The following CORO1C variants were observed in gnomAD, a reference collection of about 807,000 sequenced individuals.
CORO1C encodes coronin 1C, also known as coronin-1C.
CORO1C carries 14 observed loss-of-function variants against 51.2 expected under a neutral mutation model. The ratio of observed to expected loss-of-function variants is 0.27; its 90% CI spans 0.18 to 0.43. The LOEUF is 0.43. CORO1C is among the 20% of genes least tolerant of loss of function. The probability of loss-of-function intolerance (pLI) is 1.00; values close to 1 mark genes in which losing one functional copy is unlikely to be tolerated. For synonymous variants in CORO1C, 181 were observed against 210.5 expected (o/e 0.86, Z 1.21); for missense variants, 417 against 607.8 (o/e 0.69, Z 3.30).
chr12:108,664,073 G>C (rs901341045), intron 3 of CORO1C, among the ~76,000 whole-genome samples: 4 of 152,286 alleles, frequency 2.6e-5, no homozygotes, highest in African/African-American at 9.6e-5. Context: ...GTAGCATCAA[G>C]AACCCTACCG....
chr12:108,662,474 G>C (rs981419940), intron 3 of CORO1C, among the ~76,000 whole-genome samples: 1 of 151,926 alleles, frequency 6.6e-6, no homozygotes, highest in African/African-American at 2.4e-5. Flanking sequence ...CCCAAGTATC[G>C]GCTGTTTTTA....
At chr12:108,659,036 AAG>A (rs984934660) in intron 4 of CORO1C, 117 bp from the exon 5 acceptor site, 531 of 936,306 alleles carry the variant, frequency 5.7e-4, no homozygotes, top group Non-Finnish European at 6.8e-4. Context: ...GAGAGAGAGA[AAG>A]AGAGAGAGAG....
chr12:108,706,091 G>A (rs2035020623), intron 1 of CORO1C, among the ~76,000 whole-genome samples: 1 of 150,722 alleles, frequency 6.6e-6, no homozygotes, highest in South Asian at 2.1e-4. Flanking sequence ...GGAGGCAGAG[G>A]CAGGAGAATT....
rs1384222388 is a variant in CORO1C, at chr12:108,646,127, C to T, written c.*1276G>A. ...TTCTGCTTCACTCTCTATCATTCTC[C>T]TCAGTCTCAATACTCATTCAATCGC... On this transcript the variant is annotated 3_prime_UTR_variant, in exon 11 of 11. Coordinates refer to ENST00000261401, the MANE Select transcript of CORO1C (RefSeq NM_014325.4). 1 of 152,278 alleles carries T rather than the reference C, an allele frequency of 6.6e-6. No individual in the cohort carries two copies. The highest frequency in any genetic ancestry group is 1.9e-4 in the East Asian group (1 of 5,200). The allele number at this position is 152,278 out of a possible 1,614,324, so 9.4% of individuals were successfully genotyped here. A position where few individuals can be genotyped will look rare whatever the true frequency, so the allele number is the denominator to read the frequency against.
chr12:108,666,959 A>C (rs1418674079), intron 3 of CORO1C, among the ~76,000 whole-genome samples: 3 of 152,114 alleles, frequency 2.0e-5, no homozygotes, highest in African/African-American at 7.2e-5. Flanking sequence ...CCCTTAACAA[A>C]ACTGCCACTC....
intron 1 of CORO1C, among the ~76,000 whole-genome samples, chr12:108,717,423 A>T (rs913261755): frequency 1.3e-5 from 2 of 152,164 alleles, no homozygotes; most frequent in African/African-American, 4.8e-5. Context: ...ACATAATTAG[A>T]TTTGCATTTT....
intron 2 of CORO1C, among the ~76,000 whole-genome samples, chr12:108,699,595 CA>C (rs2034800864): frequency 6.6e-6 from 1 of 152,164 alleles, no homozygotes; most frequent in Non-Finnish European, 1.5e-5. Flanking sequence ...AGTAAAATGT[CA>C]AGTTTCCAAA....
chr12:108,650,965 TTTTG>T (rs1423923567), intron 8 of CORO1C, among the ~76,000 whole-genome samples: 2 of 152,240 alleles, frequency 1.3e-5, no homozygotes, highest in Non-Finnish European at 1.5e-5. Context: ...GTTTGTTTGT[TTTTG>T]TTTGTTTGAG....
At chr12:108,663,417 T>C (rs1160368220) in intron 3 of CORO1C, among the ~76,000 whole-genome samples, 1 of 152,130 alleles carries the variant, frequency 6.6e-6, no homozygotes, top group Non-Finnish European at 1.5e-5. Flanking sequence ...AGCCCAAAGG[T>C]GGAAACAACC....
intron 2 of CORO1C, among the ~76,000 whole-genome samples, chr12:108,697,006 A>G (rs2034709506): frequency 6.6e-6 from 1 of 152,194 alleles, no homozygotes; most frequent in South Asian, 2.1e-4. Flanking sequence ...TTGTATATGC[A>G]TGTGCTTTGA....
intron 3 of CORO1C, 58 bp downstream of exon 3, chr12:108,678,214 T>C: frequency 6.5e-7 from 1 of 1,545,922 alleles, no homozygotes; most frequent in South Asian, 1.2e-5. Flanking sequence ...ACACATGCTT[T>C]TGAAAGCAGT....
intron 8 of CORO1C, 144 bp from the exon 9 acceptor site, chr12:108,649,164 G>A (rs1308183672): frequency 2.3e-6 from 2 of 852,826 alleles, no homozygotes; most frequent in East Asian, 2.6e-5. Context: ...CCGGGAATAG[G>A]CAGAATTTAG....
rs575089211 is a variant in CORO1C at position 108,661,846 on chromosome 12, T to TGC, written c.448+181_448+182dup. On this transcript the variant is annotated intron_variant, in intron 4 of 10. Transcript: ENST00000261401. ...GAAATGGCCTTGAAACACACACACG[T>TGC]GCACACACACACAAGTATGTATGTG... 4.5e-4 allele frequency among the ~76,000 whole-genome samples: 69 copies of TGC among 152,210 alleles called. 1 individual carries two copies. The South Asian group carries it at 0.013, about 29-fold the overall frequency.
intron 1 of CORO1C, among the ~76,000 whole-genome samples, chr12:108,717,107 G>T (rs563514924): frequency 6.6e-6 from 1 of 152,372 alleles, no homozygotes; most frequent in East Asian, 1.9e-4. Context: ...TCGGGGAACA[G>T]AAGCAGTCAG....
intron 3 of CORO1C, among the ~76,000 whole-genome samples, chr12:108,670,674 A>C (rs143683564): frequency 7.0e-4 from 106 of 152,268 alleles, no homozygotes; most frequent in African/African-American, 2.5e-3. Flanking sequence ...AATCCACATA[A>C]AAATAAGCAA....
intron 2 of CORO1C, among the ~76,000 whole-genome samples, chr12:108,687,071 GC>G (rs1347448019): frequency 6.6e-6 from 1 of 152,160 alleles, no homozygotes; most frequent in South Asian, 2.1e-4. Context: ...TCTTGAAGTA[GC>G]TACAACACAG....
chr12:108,712,570 CAAAAAAAAAAA>C (rs138128974), intron 1 of CORO1C, among the ~76,000 whole-genome samples: 2 of 66,536 alleles, frequency 3.0e-5, no homozygotes, highest in Non-Finnish European at 5.5e-5. Flanking sequence ...GAAACTGTCT[CAAAAAAAAAAA>C]AAAAAAAAAA....
chr12:108,699,547 T>C (rs2034799416), intron 2 of CORO1C, among the ~76,000 whole-genome samples: 1 of 152,198 alleles, frequency 6.6e-6, no homozygotes, highest in Admixed American at 6.5e-5. Flanking sequence ...GCTAACAAGC[T>C]ATGGCTGTCT....
chr12:108,730,172 A>G (rs1592962267), intron 1 of CORO1C: 2 of 152,196 alleles, frequency 1.3e-5, no homozygotes, highest in South Asian at 2.1e-4. Context: ...ACAACTTGCA[A>G]TTTGCTTCGC....
Sources: allele counts gnomAD v4.1 joint callset (sites outside exome capture counted in the v4.1 genomes callset), GRCh38; gene constraint gnomAD v4.1.1; transcripts MANE v1.5; gene names NCBI Gene and HGNC (gene_info 2026-07-23, HGNC 2026-07-21).